Variants in NRDE2 observed in about 807,000 individuals in gnomAD.
NRDE2 encodes nuclear exosome regulator NRDE2.
NRDE2 carries 76 observed loss-of-function variants against 124.2 expected under a neutral mutation model. The ratio of observed to expected loss-of-function variants is 0.61; its 90% CI spans 0.51 to 0.74. The LOEUF is 0.74. NRDE2 is among the 30% of genes least tolerant of loss of function. The pLI is 0.00. For missense variants in NRDE2, 1,314 were observed against 1,417.3 expected (o/e 0.93, Z 1.17); for synonymous variants, 489 against 528.1 (o/e 0.93, Z 1.01).
Position 90,329,539 on chromosome 14 carries a change from A to C in NRDE2, c.64+2302T>G, listed in dbSNP as rs375410412. Among the ~76,000 whole-genome samples, 5 of 152,138 alleles carry C rather than the reference A, an allele frequency of 3.3e-5. No homozygotes were observed. In the East Asian group the frequency reaches 9.7e-4, roughly 29 times the overall value. ...ACATAGCAAGACCCTGTCCCTACTT[A>C]AGAAAAAAAAAAGTAGGCTGGGTAC... On this transcript the variant is annotated intron_variant, in intron 1 of 13. Coordinates refer to ENST00000354366, the MANE Select transcript of NRDE2 (RefSeq NM_017970.4).
rs757695727 is a variant in NRDE2, at chr14:90,270,370, T to G, written c.*7966A>C. ...ACATCAAGGTGAGAGCCTAGCCGTG[T>G]CAGCTTATTTCTGGGAATGTGGCCG... On this transcript the variant is annotated 3_prime_UTR_variant, in exon 14 of 14. Transcript: ENST00000354366. 72 of 1,604,656 alleles carry G rather than the reference T, an allele frequency of 4.5e-5. No individual in the cohort carries two copies. Among genetic ancestry groups the G allele is most frequent in the Admixed American group, 3.0e-4 (18 of 59,274 alleles).
rs1203322628 is a variant in NRDE2 at position 90,302,960 on chromosome 14, A to G, written c.1171T>C (p.Cys391Arg). 2 of 1,613,946 alleles carry G rather than the reference A, an allele frequency of 1.2e-6. No individual in the cohort carries two copies. Among genetic ancestry groups the G allele is most frequent in the Non-Finnish European group, 1.7e-6 (2 of 1,180,014 alleles). Residue 391 changes from cysteine (C) to arginine (R), a missense_variant, in exon 6 of 14, where the codon TGC becomes CGC. Transcript: ENST00000354366. The part of the protein sequence containing the change: ...VDLKLAKLKL[C>R]TEFWEPSTLV... ...GTGGAGGGCTCCCAGAACTCTGTGC[A>G]GAGCTTCAGCTTGGCCAGTTTCAGA... is the stretch of plus-strand genomic sequence containing the variant.
chr14:90,282,734 C>G (rs1165023593), intron 12 of NRDE2, among the ~76,000 whole-genome samples: 1 of 151,862 alleles, frequency 6.6e-6, no homozygotes, highest in African/African-American at 2.4e-5. Flanking sequence ...GTGGCGCGAT[C>G]TCGGCTCACC....
In NRDE2 at chr14:90,316,643, G is replaced by A; in HGVS notation, c.342C>T (p.Thr114=). 3 of 1,614,072 alleles carry A rather than the reference G, an allele frequency of 1.9e-6. No individual in the cohort carries two copies. Among genetic ancestry groups the A allele is most frequent in the African/African-American group, 1.3e-5 (1 of 74,998 alleles). The change falls in exon 3 of 14, where the codon ACC becomes ACT. Residue 114 remains threonine (T), a synonymous_variant. Transcript: ENST00000354366. ...PSSSSRSETD[T]DSEKDKPSRG... ...TGGAAGGTTTGTCCTTTTCAGAATC[G>A]GTGTCTGTCTCAGACCTGCTGCTAC...
chr14:90,269,387 T>TG lies in NRDE2; in HGVS notation c.*8948_*8949insC, dbSNP rs1236482308. 6 of 1,597,342 alleles carry TG rather than the reference T, an allele frequency of 3.8e-6. No individual in the cohort carries two copies. In the South Asian group the frequency reaches 6.8e-5, roughly 18 times the overall value. On this transcript the variant is annotated 3_prime_UTR_variant, in exon 14 of 14. Coordinates refer to ENST00000354366, the MANE Select transcript of NRDE2 (RefSeq NM_017970.4). ...GAGTCTTCATTCCTTCCCTTTTTTT[T>TG]TTTCCAAAGATATGACTCCAATTCT... is the stretch of plus-strand genomic sequence containing the variant.
intron 12 of NRDE2, among the ~76,000 whole-genome samples, chr14:90,283,272 C>T (rs1736318506): frequency 6.6e-6 from 1 of 152,170 alleles, no homozygotes; most frequent in South Asian, 2.1e-4. Flanking sequence ...GAGAGAAATT[C>T]TCTAAGGGGC....
In NRDE2 at chr14:90,301,432, T is replaced by C. The variant is rs569239936; in HGVS notation, c.1412-60A>G. On this transcript the variant is annotated intron_variant, in intron 6 of 13. Transcript: ENST00000354366. ...TTGATACCGTTAAAGGGAAAGAACCTAACTTCTCAAAACAGGCAATTAACA... is the reference window on the plus strand; with the variant it reads ...TTGATACCGTTAAAGGGAAAGAACCCAACTTCTCAAAACAGGCAATTAACA... The C allele has an allele frequency of 8.2e-4, 1,279 of 1,550,924 alleles. 23 individuals carry two copies. The South Asian group carries it at 0.014, about 17-fold the overall frequency.
At chr14:90,315,393 G>C (rs1885008327) in intron 3 of NRDE2, among the ~76,000 whole-genome samples, 1 of 151,886 alleles carries the variant, frequency 6.6e-6, no homozygotes, top group Non-Finnish European at 1.5e-5. Context: ...AAAAATTCCT[G>C]AAGAGTTGCA....
rs773286906 is a variant in NRDE2 at position 90,271,487 on chromosome 14, G to A, written c.*6849C>T. ...TAATTACTGAGAAATTAAATATATT[G>A]GAATAAATGCTATACTCTGTAGTAT... On this transcript the variant is annotated 3_prime_UTR_variant, in exon 14 of 14. Transcript: ENST00000354366. 1 of 151,916 alleles carries A rather than the reference G, an allele frequency of 6.6e-6. No homozygotes were observed. Among genetic ancestry groups the A allele is most frequent in the Non-Finnish European group, 1.5e-5 (1 of 67,988 alleles). The allele number at this position is 151,916 out of a possible 1,614,324, so 9.4% of individuals were successfully genotyped here. A position where few individuals can be genotyped will look rare whatever the true frequency, so the allele number is the denominator to read the frequency against.
At chr14:90,295,971 T>A (rs1323375892) in intron 8 of NRDE2, among the ~76,000 whole-genome samples, 1 of 152,240 alleles carries the variant, frequency 6.6e-6, no homozygotes, top group Non-Finnish European at 1.5e-5. Flanking sequence ...GATATTCATT[T>A]GCATTCCCTT....
rs763291260 is a variant in NRDE2, at chr14:90,303,115, A to C, written c.1016T>G (p.Met339Arg). Reference sequence around the variant, plus strand: ...GATGGCATACAGGCCAGGACTTTTCATGACCTCGTCCTCAACAACAAAAAC... The same window carrying C: ...GATGGCATACAGGCCAGGACTTTTCCTGACCTCGTCCTCAACAACAAAAAC... The part of the protein sequence containing the change: ...MAFVAFQDEV[M>R]KSPGLYAIEE... Residue 339 changes from methionine to arginine, a missense_variant, in exon 6 of 14, where the codon ATG (methionine) becomes AGG (arginine). Physicochemically the swap from Met to Arg is moderately conservative, Grantham distance 91 (BLOSUM62 -1). Coordinates refer to ENST00000354366, the MANE Select transcript of NRDE2 (RefSeq NM_017970.4). 2 of 1,612,462 alleles carry C rather than the reference A, an allele frequency of 1.2e-6. No individual in the cohort carries two copies. Among genetic ancestry groups the C allele is most frequent in the Non-Finnish European group, 1.7e-6 (2 of 1,179,262 alleles).
chr14:90,316,650 G>A lies in NRDE2; in HGVS notation c.335C>T (p.Thr112Ile), dbSNP rs927784919. Reference sequence around the variant, plus strand: ...TTTGTCCTTTTCAGAATCGGTGTCTGTCTCAGACCTGCTGCTACTCGACGG... The same window carrying A: ...TTTGTCCTTTTCAGAATCGGTGTCTATCTCAGACCTGCTGCTACTCGACGG... ...HGPSSSSRSE[T>I]DTDSEKDKPS... Residue 112 changes from threonine to isoleucine, a missense_variant, in exon 3 of 14, where the codon ACA becomes ATA. By Grantham distance (89) the Thr-to-Ile change is moderately conservative (BLOSUM62 -1). Coordinates refer to ENST00000354366, the MANE Select transcript of NRDE2 (RefSeq NM_017970.4). 3.1e-6 allele frequency: 5 copies of A among 1,614,050 alleles called. No individual in the cohort carries two copies. The African/African-American group carries it at 6.7e-5, about 22-fold the overall frequency.
chr14:90,270,480 T>C lies in NRDE2; in HGVS notation c.*7856A>G. ...GTCTGTATTTTAATCATCATATTGG[T>C]TTACGATTACATCCAAATGGTATAT... is the stretch of plus-strand genomic sequence containing the variant. On this transcript the variant is annotated 3_prime_UTR_variant, in exon 14 of 14. Transcript: ENST00000354366. 9.6e-7 allele frequency: 1 copy of C among 1,043,716 alleles called. No homozygotes were observed. Among genetic ancestry groups the C allele is most frequent in the Non-Finnish European group, 1.3e-6 (1 of 748,940 alleles). 64.7% of individuals were successfully genotyped at this position (1,043,716 alleles called of 1,614,324 possible). A position where few individuals can be genotyped will look rare whatever the true frequency, so the allele number is the denominator to read the frequency against.
intron 12 of NRDE2, chr14:90,281,552 C>T (rs990967646): frequency 7.4e-4 from 112 of 152,210 alleles, no homozygotes; most frequent in African/African-American, 2.5e-3. Context: ...TGTTTGAGTC[C>T]TCCGTGTAGA....
rs964360538 is a variant in NRDE2, at chr14:90,273,188, T to C, written c.*5148A>G. 3 of 152,300 alleles carry C rather than the reference T, an allele frequency of 2.0e-5. No individual in the cohort carries two copies. In the East Asian group the frequency reaches 5.8e-4, roughly 29 times the overall value. 9.4% of individuals were successfully genotyped at this position (152,300 alleles called of 1,614,324 possible). On this transcript the variant is annotated 3_prime_UTR_variant, in exon 14 of 14. Transcript: ENST00000354366. The stretch of plus-strand genomic sequence containing the variant: ...TTGACAGGTGGCCTGGTGTGGGTTG[T>C]AGGGCCCACACTGAATGAGGAGTGT...
At position 90,288,850 on chromosome 14, in the gene NRDE2, G is replaced by A. The variant is rs1262839904; in HGVS notation, c.2525C>T (p.Ala842Val). ...VELSPEVRRA[A>V]TARAVHILTK... is the part of the protein sequence containing the mutation. ...TAATATGTGAACAGCTCGAGCTGTG[G>A]CAGCCCTTCTCACTTCTGGCGACAG... Residue 842 changes from alanine to valine, a missense_variant, in exon 11 of 14, where the codon GCC becomes GTC. Coordinates refer to ENST00000354366, the MANE Select transcript of NRDE2 (RefSeq NM_017970.4). The A allele has an allele frequency of 1.2e-6, 2 of 1,614,122 alleles. No individual in the cohort carries two copies.
intron 1 of NRDE2, among the ~76,000 whole-genome samples, chr14:90,322,801 A>G (rs1885288087): frequency 6.6e-6 from 1 of 152,252 alleles, no homozygotes; most frequent in African/African-American, 2.4e-5. Context: ...GAGTTATCTG[A>G]GATGAAAAGA....
At chr14:90,314,182 A>T (rs1224931402) in intron 3 of NRDE2, among the ~76,000 whole-genome samples, 1 of 152,222 alleles carries the variant, frequency 6.6e-6, no homozygotes, top group Non-Finnish European at 1.5e-5. Flanking sequence ...CAGAAACTCA[A>T]GGTCAATTAG....
Position 90,269,624 on chromosome 14 carries a change from A to C in NRDE2, c.*8712T>G. 1 of 1,492,878 alleles carries C rather than the reference A, an allele frequency of 6.7e-7. No individual in the cohort carries two copies. Among genetic ancestry groups the C allele is most frequent in the Non-Finnish European group, 9.1e-7 (1 of 1,100,124 alleles). 92.5% of individuals were successfully genotyped at this position (1,492,878 alleles called of 1,614,324 possible). A position where few individuals can be genotyped will look rare whatever the true frequency, so the allele number is the denominator to read the frequency against. The stretch of plus-strand genomic sequence containing the variant: ...TGTTTAAGTGTGCTTTGGGAGGCCT[A>C]TAAAATGATACATAAAAAAGCAAAT... On this transcript the variant is annotated 3_prime_UTR_variant, in exon 14 of 14. Coordinates refer to ENST00000354366, the MANE Select transcript of NRDE2 (RefSeq NM_017970.4).
Sources: allele counts gnomAD v4.1 joint callset (sites outside exome capture counted in the v4.1 genomes callset), GRCh38; gene constraint gnomAD v4.1.1; transcripts MANE v1.5; gene names NCBI Gene and HGNC (gene_info 2026-07-23, HGNC 2026-07-21).